Variants in ADAM12 observed in about 807,000 individuals in gnomAD.
ADAM12 encodes the protein disintegrin and metalloproteinase domain-containing protein 12.
ADAM12 carries 70 observed loss-of-function variants against 106.4 expected under a neutral mutation model. The ratio of observed to expected loss-of-function variants is 0.66; its 90% CI spans 0.54 to 0.80. The LOEUF is 0.80. ADAM12 is among the 30% of genes least tolerant of loss of function. The pLI is 0.00. For missense variants in ADAM12, 1,010 were observed against 1,171.9 expected (o/e 0.86, Z 2.02); for synonymous variants, 420 against 433.5 (o/e 0.97, Z 0.39).
chr10:126,078,430 A>C (rs1955145265), intron 11 of ADAM12, among the ~76,000 whole-genome samples: 1 of 151,118 alleles, frequency 6.6e-6, no homozygotes. Context: ...ATATAATTCC[A>C]CTCCTCCAGA....
At chr10:126,338,932 A>G (rs1854818074) in intron 1 of ADAM12, among the ~76,000 whole-genome samples, 1 of 152,070 alleles carries the variant, frequency 6.6e-6, no homozygotes, top group South Asian at 2.1e-4. Flanking sequence ...AAAACAAGTC[A>G]TTCTGCATCT....
intron 1 of ADAM12, among the ~76,000 whole-genome samples, chr10:126,375,586 A>T (rs957966837): frequency 2.0e-5 from 3 of 152,104 alleles, no homozygotes; most frequent in East Asian, 1.9e-4. Context: ...CAGAATATGT[A>T]ACCTCTAAAT....
chr10:126,328,261 A>C (rs948671705), intron 2 of ADAM12, among the ~76,000 whole-genome samples: 5 of 152,242 alleles, frequency 3.3e-5, no homozygotes, highest in African/African-American at 1.2e-4. Context: ...GCTTAGTTAA[A>C]AACTGGCTGA....
At chr10:126,126,997 T>C (rs575759110) in intron 5 of ADAM12, among the ~76,000 whole-genome samples, 15 of 152,294 alleles carry the variant, frequency 9.8e-5, no homozygotes, top group Admixed American at 3.9e-4. Flanking sequence ...TGGATCTCCT[T>C]CAGAGCAGAT....
In ADAM12 at chr10:126,241,499, T is replaced by C. The variant is rs193145460; in HGVS notation, c.260+37416A>G. Among the ~76,000 whole-genome samples, 12 of 152,366 alleles carry C rather than the reference T, an allele frequency of 7.9e-5. No individual in the cohort carries two copies. The South Asian group carries it at 1.9e-3, about 24-fold the overall frequency. On this transcript the variant is annotated intron_variant, in intron 3 of 22. Transcript: ENST00000448723. Reference sequence around the variant, plus strand: ...CAGAAATCCTGACTTGCGCTCAAACTGGCAGAATTTCTCTCTGGATGAGGT... The same window carrying C: ...CAGAAATCCTGACTTGCGCTCAAACCGGCAGAATTTCTCTCTGGATGAGGT...
intron 2 of ADAM12, among the ~76,000 whole-genome samples, chr10:126,286,197 T>C (rs1565191412): frequency 6.6e-6 from 1 of 152,084 alleles, no homozygotes; most frequent in Admixed American, 6.6e-5. Context: ...TTTCTCTCTT[T>C]AGAGAACAAG....
At chr10:126,203,934 G>A (rs932957242) in intron 3 of ADAM12, among the ~76,000 whole-genome samples, 13 of 89,660 alleles carry the variant, frequency 1.4e-4, no homozygotes, top group Admixed American at 4.4e-4. Context: ...GAGTGCGCGC[G>A]CGCGCGTGTG....
At chr10:126,253,695 G>A (rs1958831601) in intron 3 of ADAM12, among the ~76,000 whole-genome samples, 1 of 152,134 alleles carries the variant, frequency 6.6e-6, no homozygotes, top group Non-Finnish European at 1.5e-5. Context: ...TGTGGGTTGG[G>A]TGGGGGGAGG....
intron 3 of ADAM12, among the ~76,000 whole-genome samples, chr10:126,201,644 T>G (rs1313104669): frequency 6.6e-6 from 1 of 152,056 alleles, no homozygotes; most frequent in East Asian, 1.9e-4. Context: ...GATGGGGAAC[T>G]GGCAATGTAC....
chr10:126,192,058 C>A (rs544572402), intron 3 of ADAM12, among the ~76,000 whole-genome samples: 5 of 152,138 alleles, frequency 3.3e-5, no homozygotes, highest in Non-Finnish European at 7.3e-5. Context: ...GGAAAGTCTG[C>A]CCCCGGCCCC....
intron 1 of ADAM12, among the ~76,000 whole-genome samples, chr10:126,352,121 A>G (rs1855383209): frequency 6.6e-6 from 1 of 152,164 alleles, no homozygotes; most frequent in South Asian, 2.1e-4. Flanking sequence ...CAAGGGGGGA[A>G]CAAATTATTC....
intron 4 of ADAM12, among the ~76,000 whole-genome samples, chr10:126,151,742 T>G (rs1008874039): frequency 6.6e-6 from 1 of 151,942 alleles, no homozygotes; most frequent in African/African-American, 2.4e-5. Flanking sequence ...TATTACAAAT[T>G]TAATATCTTT....
At chr10:126,099,739 C>T (rs1955624842) in intron 9 of ADAM12, among the ~76,000 whole-genome samples, 1 of 152,178 alleles carries the variant, frequency 6.6e-6, no homozygotes, top group Non-Finnish European at 1.5e-5. Context: ...TGCCAACAGC[C>T]TCAGTTCAGA....
At chr10:126,095,409 C>T (rs1392609301) in intron 10 of ADAM12, among the ~76,000 whole-genome samples, 1 of 151,874 alleles carries the variant, frequency 6.6e-6, no homozygotes, top group African/African-American at 2.4e-5. Flanking sequence ...TGGCGGGCGC[C>T]TGTAGTCCCA....
At chr10:126,229,333 A>C (rs1958262528) in intron 3 of ADAM12, among the ~76,000 whole-genome samples, 1 of 152,166 alleles carries the variant, frequency 6.6e-6, no homozygotes, top group African/African-American at 2.4e-5. Flanking sequence ...GACTCCTGTG[A>C]CTTCTCAGCC....
At chr10:126,340,720 G>GTT (rs34179311) in intron 1 of ADAM12, among the ~76,000 whole-genome samples, 10,223 of 138,748 alleles carry the variant, frequency 0.074, 542 homozygotes, top group South Asian at 0.17. Context: ...CTCGTGGCCT[G>GTT]TTTTTTTTTT....
rs549981238 is a variant in ADAM12 at position 126,057,192 on chromosome 10, C to T, written c.1610-7523G>A. 1.5e-4 allele frequency among the ~76,000 whole-genome samples: 7 copies of T among 48,268 alleles called. 2 individuals are homozygous for T. Among genetic ancestry groups the T allele is most frequent in the Non-Finnish European group, 2.5e-4 (6 of 23,754 alleles). The allele number at this position is 48,268 out of a possible 152,430, so 31.7% of individuals were successfully genotyped here. The stretch of plus-strand genomic sequence containing the variant: ...CATAGTGGTTTTGATTTGCATTTCT[C>T]TGATGGCCAGTGATGATGAGCCCGG... On this transcript the variant is annotated intron_variant, in intron 14 of 22. Transcript: ENST00000448723.
In ADAM12 at chr10:126,043,167, G is replaced by C; in HGVS notation, c.1996-19C>G. ...TGCACACCTTTCAGGGCAGAGGGGA[G>C]GGACGTGGGGTTAGGGCATATGCTC... On this transcript the variant is annotated intron_variant, in intron 17 of 22. Transcript: ENST00000448723. This position sits in a 1 kb window ranked among gnomAD's most constrained non-coding sequence, Gnocchi z 4.1. 1 of 1,611,498 alleles carries C rather than the reference G, an allele frequency of 6.2e-7. No homozygotes were observed.
intron 1 of ADAM12, among the ~76,000 whole-genome samples, chr10:126,340,604 T>C (rs1854888853): frequency 6.6e-6 from 1 of 152,178 alleles, no homozygotes; most frequent in South Asian, 2.1e-4. Flanking sequence ...CAGACTTTTT[T>C]CCTAAGTTCT....
Sources: allele counts gnomAD v4.1 joint callset (sites outside exome capture counted in the v4.1 genomes callset), GRCh38; gene constraint gnomAD v4.1.1; non-coding constraint Gnocchi (gnomAD v3.1); transcripts MANE v1.5; gene names NCBI Gene and HGNC (gene_info 2026-07-23, HGNC 2026-07-21).